Variants in FRA10AC1 observed in about 807,000 individuals in gnomAD.
The protein encoded by FRA10AC1 is FRA10A associated CGG repeat 1, also known as protein FRA10AC1.
A neutral mutation model predicts 56.5 loss-of-function variants in FRA10AC1; 43 were observed. The observed-to-expected ratio is 0.76, with a 90% confidence interval of 0.60 to 0.98. FRA10AC1 has a LOEUF of 0.98. FRA10AC1 is among the 50% of genes least tolerant of loss of function. The pLI is 0.00. For synonymous variants in FRA10AC1, 112 were observed against 110.5 expected (o/e 1.01, Z -0.09); for missense variants, 346 against 351.8 (o/e 0.98, Z 0.13).
intron 4 of FRA10AC1, among the ~76,000 whole-genome samples, chr10:93,695,311 A>G (rs1463286781): frequency 6.6e-6 from 1 of 151,946 alleles, no homozygotes; most frequent in Non-Finnish European, 1.5e-5. Flanking sequence ...CTAAAAGTAG[A>G]GAATTTATCT....
At chr10:93,700,203 G>T in intron 1 of FRA10AC1, 97 bp from the exon 2 acceptor site, 1 of 713,202 alleles carries the variant, frequency 1.4e-6, no homozygotes, top group Non-Finnish European at 2.4e-6. Flanking sequence ...AGCCACAATA[G>T]TTTTAAAGGA....
chr10:93,698,186 T>G lies in FRA10AC1; in HGVS notation c.174-5A>C, dbSNP rs2059265603. On this transcript the variant is annotated splice_region_variant and splice_polypyrimidine_tract_variant and intron_variant, in intron 3 of 13. Coordinates refer to ENST00000359204, the MANE Select transcript of FRA10AC1 (RefSeq NM_145246.5). ...CTTCTATTTCTTGCTTCTTCCCTGTTAAAACAAATTTTTTTAAGAAAATTC... is the reference window on the plus strand; with the variant it reads ...CTTCTATTTCTTGCTTCTTCCCTGTGAAAACAAATTTTTTTAAGAAAATTC... The G allele has an allele frequency of 6.3e-7, 1 of 1,577,568 alleles. No individual in the cohort carries two copies. The highest frequency in any genetic ancestry group is 2.3e-5 in the East Asian group (1 of 44,364).
chr10:93,696,837 A>G (rs1353533944), intron 4 of FRA10AC1, among the ~76,000 whole-genome samples: 1 of 152,216 alleles, frequency 6.6e-6, no homozygotes, highest in African/African-American at 2.4e-5. Flanking sequence ...CACCATCCTC[A>G]GCAAACTAAC....
intron 12 of FRA10AC1, among the ~76,000 whole-genome samples, 159 bp downstream of exon 12, chr10:93,676,494 T>A (rs1360484218): frequency 6.6e-6 from 1 of 152,182 alleles, no homozygotes; most frequent in Non-Finnish European, 1.5e-5. Context: ...GAATAAATCC[T>A]ATACACTTTT....
At chr10:93,699,198 A>C (rs1157521496) in intron 2 of FRA10AC1, among the ~76,000 whole-genome samples, 1 of 152,208 alleles carries the variant, frequency 6.6e-6, no homozygotes, top group Non-Finnish European at 1.5e-5. Context: ...TTTGAATGAA[A>C]AATCTAGAAA....
chr10:93,684,358 CTG>C (rs1175504351), intron 9 of FRA10AC1, among the ~76,000 whole-genome samples: 3 of 152,290 alleles, frequency 2.0e-5, no homozygotes, highest in East Asian at 3.9e-4. Context: ...CAAAAACAAA[CTG>C]TGTTCCACAG....
chr10:93,669,494 G>C lies in FRA10AC1; in HGVS notation c.*332C>G, dbSNP rs961172330. 2 of 207,278 alleles carry C rather than the reference G, an allele frequency of 9.6e-6. No individual in the cohort carries two copies. Among genetic ancestry groups the C allele is most frequent in the African/African-American group, 4.6e-5 (2 of 43,372 alleles). The allele number at this position is 207,278 out of a possible 1,614,324, so 12.8% of individuals were successfully genotyped here. A position where few individuals can be genotyped will look rare whatever the true frequency, so the allele number is the denominator to read the frequency against. On this transcript the variant is annotated 3_prime_UTR_variant, in exon 14 of 14. Coordinates refer to ENST00000359204, the MANE Select transcript of FRA10AC1 (RefSeq NM_145246.5). Reference sequence around the variant, plus strand: ...AGAAATAATAAAATAAAATAATGAAGGCAAGAGAAGATACATAATGAAGGC... The same window carrying C: ...AGAAATAATAAAATAAAATAATGAACGCAAGAGAAGATACATAATGAAGGC...
chr10:93,671,972 A>C, intron 12 of FRA10AC1: 1 of 412,098 alleles, frequency 2.4e-6, no homozygotes, highest in South Asian at 1.8e-5. Context: ...TTTCAAATAA[A>C]TCACCTGTAT....
At chr10:93,691,952 A>T in intron 7 of FRA10AC1, 57 bp downstream of exon 7, 1 of 1,500,266 alleles carries the variant, frequency 6.7e-7, no homozygotes, top group Non-Finnish European at 9.0e-7. Context: ...CAGTATAATA[A>T]AAGTTAATAT....
At chr10:93,689,064 T>G (rs2059079780) in intron 7 of FRA10AC1, among the ~76,000 whole-genome samples, 2 of 148,690 alleles carry the variant, frequency 1.3e-5, no homozygotes, top group South Asian at 2.1e-4. Flanking sequence ...TGTGGGGTTT[T>G]TTTTTTTTTT....
chr10:93,672,623 A>T (rs1799691213), intron 12 of FRA10AC1: 1 of 152,186 alleles, frequency 6.6e-6, no homozygotes, highest in Non-Finnish European at 1.5e-5. Flanking sequence ...AGTACTTCCC[A>T]CATGCCAGCT....
At chr10:93,672,669 C>T (rs901965501) in intron 12 of FRA10AC1, 5 of 152,084 alleles carry the variant, frequency 3.3e-5, no homozygotes, top group Non-Finnish European at 7.3e-5. Context: ...GTCAATTTTA[C>T]TAAAAAATCA....
At chr10:93,702,924 C>G, upstream of FRA10AC1, 1 of 453,692 alleles carries the variant, frequency 2.2e-6, no homozygotes, top group Non-Finnish European at 4.4e-6. Flanking sequence ...GGAGGATCCT[C>G]TCAGAGCAGC....
At position 93,692,711 on chromosome 10, in the gene FRA10AC1, G is replaced by A. The variant is rs1208098313; in HGVS notation, c.315C>T (p.Asp105=). ...TATGATTTTCTCGTATAACATCCAA[G>A]TCTGTCTTGTCATTTTCCCTGGAAA... ...FKRLGENDKT[D]LDVIRENHRF... is the part of the protein sequence containing the mutation. The change falls in exon 6 of 14, where the codon GAC becomes GAT. Residue 105 remains aspartate, a synonymous_variant. Transcript: ENST00000359204. The A allele has an allele frequency of 3.2e-6, 5 of 1,584,956 alleles. No homozygotes were observed. The highest frequency in any genetic ancestry group is 4.3e-6 in the Non-Finnish European group (5 of 1,168,138).
chr10:93,675,823 T>G (rs2058831223), intron 12 of FRA10AC1: 1 of 161,504 alleles, frequency 6.2e-6, no homozygotes, highest in African/African-American at 2.4e-5. Flanking sequence ...CACCTTATTA[T>G]TAGGCCTTGA....
At chr10:93,690,332 C>G (rs2059105006) in intron 7 of FRA10AC1, among the ~76,000 whole-genome samples, 1 of 152,188 alleles carries the variant, frequency 6.6e-6, no homozygotes, top group South Asian at 2.1e-4. Flanking sequence ...TGCATTTACT[C>G]TCATGTACAA....
chr10:93,687,295 T>G (rs1319296657), intron 8 of FRA10AC1, 109 bp downstream of exon 8: 23 of 856,776 alleles, frequency 2.7e-5, no homozygotes, highest in Non-Finnish European at 3.8e-5. Context: ...ATTTTACTTT[T>G]GTAGCTAATA....
intron 11 of FRA10AC1, among the ~76,000 whole-genome samples, 176 bp downstream of exon 11, chr10:93,681,304 G>C (rs547295879): frequency 3.3e-5 from 5 of 152,124 alleles, no homozygotes; most frequent in Non-Finnish European, 5.9e-5. Flanking sequence ...ATTTAGAGGA[G>C]TTCTTAAAAC....
In FRA10AC1 at chr10:93,687,727, G is replaced by GA. The variant is rs1400180048; in HGVS notation, c.466-279dup. On this transcript the variant is annotated intron_variant, in intron 7 of 13. Coordinates refer to ENST00000359204, the MANE Select transcript of FRA10AC1 (RefSeq NM_145246.5). ...ATATCCTGTTCTGTAAGACTGACAAGAAAAAAAGAGGTTATGGTATAGTAA... is the reference window on the plus strand; with the variant it reads ...ATATCCTGTTCTGTAAGACTGACAAGAAAAAAAAGAGGTTATGGTATAGTAA... The GA allele has an allele frequency of 2.2e-5, 5 of 226,974 alleles. No homozygotes were observed. The South Asian group carries it at 3.4e-4, about 15-fold the overall frequency. 14.1% of individuals were successfully genotyped at this position (226,974 alleles called of 1,614,324 possible).
Sources: allele counts gnomAD v4.1 joint callset (sites outside exome capture counted in the v4.1 genomes callset), GRCh38; gene constraint gnomAD v4.1.1; transcripts MANE v1.5; gene names NCBI Gene and HGNC (gene_info 2026-07-23, HGNC 2026-07-21).